The following SHANK2 variants were observed in gnomAD, a reference collection of about 807,000 sequenced individuals.
The protein encoded by SHANK2 is SH3 and multiple ankyrin repeat domains protein 2.
Under a neutral mutation model 133.7 loss-of-function variants are expected in SHANK2, and 43 were observed. That is an observed-to-expected ratio of 0.32 (90% confidence interval 0.25 to 0.41). The LOEUF (loss-of-function observed/expected upper bound fraction) is 0.41. SHANK2 is among the 10% of genes least tolerant of loss of function. SHANK2 has a pLI of 1.00. For synonymous variants in SHANK2, 1,017 were observed against 952.8 expected (o/e 1.07, Z -1.24); for missense variants, 1,994 against 2,235.8 (o/e 0.89, Z 2.18).
At chr11:71,214,763 C>T (rs2135703975) in intron 2 of SHANK2, among the ~76,000 whole-genome samples, 1 of 152,272 alleles carries the variant, frequency 6.6e-6, no homozygotes, top group African/African-American at 2.4e-5. Flanking sequence ...TCGCGCAGTT[C>T]TGACTGGGAC....
intron 12 of SHANK2, among the ~76,000 whole-genome samples, chr11:70,810,193 G>A (rs1207961861): frequency 6.6e-6 from 1 of 152,214 alleles, no homozygotes; most frequent in Non-Finnish European, 1.5e-5. Context: ...AAAGGACACT[G>A]GGCACTTCCT....
chr11:70,899,840 C>T (rs187746468), intron 10 of SHANK2, among the ~76,000 whole-genome samples: 40 of 152,330 alleles, frequency 2.6e-4, no homozygotes, highest in African/African-American at 8.7e-4. Flanking sequence ...GTGATACTGG[C>T]GGACTGGCGG....
intron 14 of SHANK2, among the ~76,000 whole-genome samples, chr11:70,792,579 T>C (rs1947819235): frequency 6.6e-6 from 1 of 152,340 alleles, no homozygotes; most frequent in Non-Finnish European, 1.5e-5. Context: ...ACTCACTTAT[T>C]TCATTTAATG....
At chr11:71,171,339 G>A (rs571081868) in intron 2 of SHANK2, among the ~76,000 whole-genome samples, 37 of 152,298 alleles carry the variant, frequency 2.4e-4, no homozygotes, top group Non-Finnish European at 4.3e-4. Context: ...CAGAACCAGA[G>A]AAGGTGATGG....
Position 71,224,772 on chromosome 11 carries a change from A to C in SHANK2, c.-88T>G, listed in dbSNP as rs1460036899. 1 of 152,262 alleles carries C rather than the reference A, an allele frequency of 6.6e-6. No homozygotes were observed. Among genetic ancestry groups the C allele is most frequent in the Non-Finnish European group, 1.5e-5 (1 of 68,114 alleles). 9.4% of individuals were successfully genotyped at this position (152,262 alleles called of 1,614,324 possible). Reference sequence around the variant, plus strand: ...TGTCTGTATTCTAGAGGGCCAAAGCAGGGTGCCTGGAGAGATTTCCAGACC... The same window carrying C: ...TGTCTGTATTCTAGAGGGCCAAAGCCGGGTGCCTGGAGAGATTTCCAGACC... On this transcript the variant is annotated 5_prime_UTR_variant, in exon 2 of 26. Transcript: ENST00000601538.
At chr11:70,572,690 G>C (rs1482851190) in intron 17 of SHANK2, among the ~76,000 whole-genome samples, 1 of 152,164 alleles carries the variant, frequency 6.6e-6, no homozygotes, top group East Asian at 1.9e-4. Flanking sequence ...AGGGAAATGT[G>C]AGCTAAAGTC....
At chr11:70,679,136 G>C (rs1019531564) in intron 15 of SHANK2, among the ~76,000 whole-genome samples, 1 of 152,228 alleles carries the variant, frequency 6.6e-6, no homozygotes, top group Non-Finnish European at 1.5e-5. Context: ...GCAACGCTGG[G>C]CTCTGGCAGG....
intron 10 of SHANK2, among the ~76,000 whole-genome samples, chr11:70,955,436 TG>T (rs2135914281): frequency 6.6e-6 from 1 of 151,748 alleles, no homozygotes; most frequent in East Asian, 2.0e-4. Context: ...TGTGTGTGTG[TG>T]TGTGTGTGTG....
At chr11:70,774,991 T>A (rs1431868005) in intron 14 of SHANK2, among the ~76,000 whole-genome samples, 3 of 152,078 alleles carry the variant, frequency 2.0e-5, no homozygotes, top group African/African-American at 7.2e-5. Context: ...AGACTGTCTC[T>A]AAAAAATAAA....
chr11:71,069,482 C>T (rs1424015644), intron 9 of SHANK2, among the ~76,000 whole-genome samples: 1 of 152,204 alleles, frequency 6.6e-6, no homozygotes, highest in African/African-American at 2.4e-5. Context: ...CGACCATCAG[C>T]AACAGTATCA....
intron 21 of SHANK2, among the ~76,000 whole-genome samples, chr11:70,493,918 G>GC (rs2135774803): frequency 6.6e-6 from 1 of 152,272 alleles, no homozygotes; most frequent in Admixed American, 6.5e-5. Context: ...AGGGAGGAAG[G>GC]CCCCCATCTC....
At chr11:70,857,761 G>C (rs1409029520) in intron 11 of SHANK2, among the ~76,000 whole-genome samples, 1 of 152,212 alleles carries the variant, frequency 6.6e-6, no homozygotes, top group Non-Finnish European at 1.5e-5. Context: ...GGCAGCCTTA[G>C]CACATGACAT....
rs559239760 is a variant in SHANK2, at chr11:70,473,974, C to T, written c.4980-535G>A. On this transcript the variant is annotated intron_variant, in intron 25 of 25. Coordinates refer to ENST00000601538, the MANE Select transcript of SHANK2 (RefSeq NM_012309.5). This position sits in a 1 kb window ranked among gnomAD's most constrained non-coding sequence, Gnocchi z 5.9. ...ACAGGCCCCTCAGCCGCCTGGCAGC[C>T]TTAGGCTTTTTGGGTAAATGGACAA... 5 of 211,422 alleles carry T rather than the reference C, an allele frequency of 2.4e-5. No homozygotes were observed. The South Asian group carries it at 3.6e-4, about 15-fold the overall frequency. 13.1% of individuals were successfully genotyped at this position (211,422 alleles called of 1,614,324 possible).
intron 17 of SHANK2, among the ~76,000 whole-genome samples, chr11:70,658,282 GAC>G (rs138823201): frequency 0.18 from 19,847 of 110,868 alleles, 1,492 homozygotes; most frequent in Non-Finnish European, 0.19. Flanking sequence ...CACACACACA[GAC>G]ACACACACAC....
intron 14 of SHANK2, among the ~76,000 whole-genome samples, chr11:70,751,015 C>T (rs574885226): frequency 2.6e-5 from 4 of 151,750 alleles, no homozygotes; most frequent in African/African-American, 4.8e-5. Flanking sequence ...AGAAATATGC[C>T]AACTCTCAAC....
chr11:70,672,767 C>T (rs1944837707), intron 15 of SHANK2, among the ~76,000 whole-genome samples: 1 of 152,218 alleles, frequency 6.6e-6, no homozygotes, highest in Non-Finnish European at 1.5e-5. Context: ...ACATGAGTGC[C>T]CCCGAAGGCA....
chr11:71,098,557 G>A (rs782299145), intron 6 of SHANK2, among the ~76,000 whole-genome samples: 55 of 152,318 alleles, frequency 3.6e-4, no homozygotes, highest in Non-Finnish European at 7.4e-4. Context: ...TATCACAGGT[G>A]TAGGAATCAA....
intron 17 of SHANK2, among the ~76,000 whole-genome samples, chr11:70,626,844 C>T (rs906454696): frequency 2.6e-5 from 4 of 152,188 alleles, no homozygotes; most frequent in Non-Finnish European, 5.9e-5. Context: ...AATACTGCAC[C>T]CCAAGCCACA....
At chr11:71,230,581 A>T (rs1555122833) in intron 1 of SHANK2, among the ~76,000 whole-genome samples, 1 of 152,040 alleles carries the variant, frequency 6.6e-6, no homozygotes, top group Non-Finnish European at 1.5e-5. Flanking sequence ...AAAAAAAAAA[A>T]GAAAGTATAT....
Sources: gnomAD v4.1 joint callset for allele counts (sites outside exome capture counted in the v4.1 genomes callset) on GRCh38, gnomAD v4.1.1 for gene constraint, Gnocchi (gnomAD v3.1) non-coding constraint, MANE v1.5 for transcripts, NCBI Gene and HGNC (gene_info 2026-07-23, HGNC 2026-07-21) for gene names.